DHX40: variants seen among roughly 807,000 people sequenced by gnomAD.
The protein encoded by DHX40 is probable ATP-dependent RNA helicase DHX40.
A neutral mutation model predicts 89.6 loss-of-function variants in DHX40; 28 were observed. The observed-to-expected ratio is 0.31, with a 90% CI of 0.23 to 0.43. The LOEUF (loss-of-function observed/expected upper bound fraction) is 0.43, where lower values mean the gene tolerates loss of function less well. DHX40 is among the 20% of genes least tolerant of loss of function. The probability of loss-of-function intolerance (pLI) is 1.00; values close to 1 mark genes in which losing one functional copy is unlikely to be tolerated. For synonymous variants in DHX40, 226 were observed against 283.6 expected (o/e 0.80, Z 2.04); for missense variants, 457 against 844.0 (o/e 0.54, Z 5.68).
intron 3 of DHX40, among the ~76,000 whole-genome samples, chr17:59,572,377 G>A (rs1380387349): frequency 7.9e-5 from 12 of 151,920 alleles, no homozygotes; most frequent in Non-Finnish European, 1.2e-4. Context: ...AATGCTTGTT[G>A]AGTAACACAT....
chr17:59,569,559 G>A (rs1195705982), intron 2 of DHX40, among the ~76,000 whole-genome samples: 3 of 146,132 alleles, frequency 2.1e-5, no homozygotes, highest in Admixed American at 6.8e-5. Flanking sequence ...GGTGGCAAGC[G>A]CCTGTAATCC....
intron 12 of DHX40, among the ~76,000 whole-genome samples, chr17:59,589,133 T>G (rs567011941): frequency 6.6e-6 from 1 of 152,058 alleles, no homozygotes; most frequent in East Asian, 1.9e-4. Flanking sequence ...TCAAAATTGT[T>G]TAGGCCATTC....
chr17:59,566,511 A>G (rs774095061), intron 1 of DHX40, 116 bp from the exon 2 acceptor site: 53 of 1,019,628 alleles, frequency 5.2e-5, no homozygotes, highest in Admixed American at 1.7e-4. Context: ...CTGAGAAGTC[A>G]TGGATGATCC....
At chr17:59,589,882 G>T (rs1414767375) in intron 12 of DHX40, among the ~76,000 whole-genome samples, 1 of 149,202 alleles carries the variant, frequency 6.7e-6, no homozygotes, top group East Asian at 2.0e-4. Flanking sequence ...CACCACGCCT[G>T]GCTAATTTTT....
At chr17:59,589,087 G>A (rs1242009827) in intron 12 of DHX40, among the ~76,000 whole-genome samples, 1 of 151,954 alleles carries the variant, frequency 6.6e-6, no homozygotes, top group African/African-American at 2.4e-5. Flanking sequence ...GGTTATTGGA[G>A]CTTTATAGTA....
intron 12 of DHX40, among the ~76,000 whole-genome samples, chr17:59,596,401 T>C (rs2030078571): frequency 6.6e-6 from 1 of 152,218 alleles, no homozygotes; most frequent in African/African-American, 2.4e-5. Context: ...ACCCCATCTC[T>C]ACTAAAAAAT....
intron 7 of DHX40, among the ~76,000 whole-genome samples, chr17:59,576,777 A>C (rs2048887666): frequency 6.6e-6 from 1 of 151,878 alleles, no homozygotes; most frequent in Non-Finnish European, 1.5e-5. Flanking sequence ...AAATATGTAC[A>C]TAGACATATA....
In DHX40 at chr17:59,570,516, AG is replaced by A; in HGVS notation, c.282del. 6.3e-7 allele frequency: 1 copy of A among 1,588,794 alleles called. No individual in the cohort carries two copies. The highest frequency in any genetic ancestry group is 8.6e-7 in the Non-Finnish European group (1 of 1,168,184). On this transcript the variant is annotated splice_acceptor_variant, in intron 2 of 17. Transcript: ENST00000251241. LOFTEE classifies it high-confidence loss of function. Reference sequence around the variant, plus strand: ...GTGTTTCTTTATCTCTGGTTTTGATAGGGTTTTCACAACATGGTATGATTGG... The same window carrying A: ...GTGTTTCTTTATCTCTGGTTTTGATAGGTTTTCACAACATGGTATGATTGG...
rs774033601 is a variant in DHX40, at chr17:59,586,138, C to T, written c.1344-15C>T. ...AAGGAATGCCTCTCACTTCATATCTCATTTAAACACACAGGTTTCCCTATT... is the reference window on the plus strand; with the variant it reads ...AAGGAATGCCTCTCACTTCATATCTTATTTAAACACACAGGTTTCCCTATT... On this transcript the variant is annotated splice_polypyrimidine_tract_variant and intron_variant, in intron 10 of 17. Transcript: ENST00000251241. The T allele has an allele frequency of 5.8e-5, 91 of 1,558,138 alleles. 1 individual carries two copies. Among genetic ancestry groups the T allele is most frequent in the East Asian group, 6.8e-5 (3 of 43,840 alleles).
intron 11 of DHX40, 136 bp downstream of exon 11, chr17:59,586,369 G>A: frequency 1.1e-6 from 1 of 893,440 alleles, no homozygotes. Context: ...TCACAATTCT[G>A]ATTGAAAAAC....
intron 1 of DHX40, among the ~76,000 whole-genome samples, chr17:59,566,050 G>C (rs1003450623): frequency 6.6e-6 from 1 of 152,136 alleles, no homozygotes; most frequent in Non-Finnish European, 1.5e-5. Context: ...TCTTAAACAG[G>C]CTCATAGACC....
rs1186479301 is a variant in DHX40, at chr17:59,607,291, T to C, written c.*119T>C. Reference sequence around the variant, plus strand: ...GTGGTCAGCACTTGTTATTGGCCTATGAACTAAAAGCAAATCAAAGCTCAT... The same window carrying C: ...GTGGTCAGCACTTGTTATTGGCCTACGAACTAAAAGCAAATCAAAGCTCAT... On this transcript the variant is annotated 3_prime_UTR_variant, in exon 18 of 18. Coordinates refer to ENST00000251241, the MANE Select transcript of DHX40 (RefSeq NM_024612.5). 2 of 1,590,992 alleles carry C rather than the reference T, an allele frequency of 1.3e-6. No homozygotes were observed. The highest frequency in any genetic ancestry group is 1.7e-6 in the Non-Finnish European group (2 of 1,164,834).
In DHX40 at chr17:59,565,723, G is replaced by T; in HGVS notation, c.52G>T (p.Gly18Cys). The change falls in exon 1 of 18, where the codon GGT becomes TGT. Residue 18 changes from glycine to cysteine, a missense_variant. Gly to Cys is a radical substitution (Grantham distance 159). This residue lies in a region of DHX40 where 75 missense variants were observed against 76.8 expected (regional missense o/e 0.98). Transcript: ENST00000251241. The stretch of plus-strand genomic sequence containing the variant: ...CAGGGCGCCAAGGCGGCAGGAGGAG[G>T]GTGAGCGGTCAAGAGACCTCCAGGA... ...AGRAPRRQEE[G>C]ERSRDLQEER... is the part of the protein sequence containing the mutation. 6.2e-7 allele frequency: 1 copy of T among 1,605,016 alleles called. No homozygotes were observed. The highest frequency in any genetic ancestry group is 1.1e-5 in the South Asian group (1 of 91,068).
At chr17:59,582,263 C>T (rs2048955325) in intron 10 of DHX40, among the ~76,000 whole-genome samples, 2 of 123,106 alleles carry the variant, frequency 1.6e-5, no homozygotes, top group East Asian at 2.9e-4. Flanking sequence ...TACTAAAAAT[C>T]GCAAAATTAT....
intron 14 of DHX40, among the ~76,000 whole-genome samples, chr17:59,600,832 G>A (rs1230570027): frequency 4.7e-5 from 7 of 149,686 alleles, no homozygotes; most frequent in Non-Finnish European, 8.9e-5. Flanking sequence ...CAACAGAGCA[G>A]CAGCACCCTG....
intron 3 of DHX40, among the ~76,000 whole-genome samples, chr17:59,572,023 C>G (rs7223084): frequency 0.057 from 8,710 of 152,194 alleles, 712 homozygotes; most frequent in African/African-American, 0.18. Context: ...TTCTTGAAGT[C>G]AATGGAAAGC....
intron 2 of DHX40, among the ~76,000 whole-genome samples, chr17:59,569,493 A>G (rs1403761391): frequency 6.6e-6 from 1 of 150,990 alleles, no homozygotes; most frequent in East Asian, 1.9e-4. Context: ...AAAAACAGAC[A>G]AAGCCTGAAT....
At position 59,608,084 on chromosome 17, in the gene DHX40, A is replaced by G. The variant is rs79673346; in HGVS notation, c.*912A>G. ...TGGGATTTTCGAAGCAGACAACACTATTTCATCGTGTTTCAAATTGGAACC... is the reference window on the plus strand; with the variant it reads ...TGGGATTTTCGAAGCAGACAACACTGTTTCATCGTGTTTCAAATTGGAACC... On this transcript the variant is annotated 3_prime_UTR_variant, in exon 18 of 18. Coordinates refer to ENST00000251241, the MANE Select transcript of DHX40 (RefSeq NM_024612.5). 40 of 154,734 alleles carry G rather than the reference A, an allele frequency of 2.6e-4. No individual in the cohort carries two copies. The highest frequency in any genetic ancestry group is 1.0e-3 in the Middle Eastern group (2 of 1,926). The allele number at this position is 154,734 out of a possible 1,614,324, so 9.6% of individuals were successfully genotyped here.
chr17:59,571,083 A>G (rs1386382975), intron 3 of DHX40, among the ~76,000 whole-genome samples: 2 of 152,016 alleles, frequency 1.3e-5, no homozygotes, highest in Non-Finnish European at 1.5e-5. Flanking sequence ...TAGGTTTTTA[A>G]AATGTTTTAT....
Sources: gnomAD v4.1 joint callset for allele counts (sites outside exome capture counted in the v4.1 genomes callset) on GRCh38, gnomAD v4.1.1 for gene constraint, gnomAD v4.1.1 regional missense constraint, MANE v1.5 for transcripts, NCBI Gene and HGNC (gene_info 2026-07-23, HGNC 2026-07-21) for gene names.